RFX4: variants seen among roughly 807,000 people sequenced by gnomAD.
RFX4 encodes the protein transcription factor RFX4.
RFX4 carries 10 observed loss-of-function variants against 95.0 expected under a neutral mutation model. The observed-to-expected ratio is 0.11, with a 90% CI of 0.06 to 0.18. The LOEUF is 0.18. Among genes scored for constraint, RFX4 ranks in the 10% least tolerant of loss-of-function variants. The probability of loss-of-function intolerance (pLI) is 1.00; values close to 1 mark genes in which losing one functional copy is unlikely to be tolerated. For missense variants in RFX4, 640 were observed against 922.0 expected (o/e 0.69, Z 3.96); for synonymous variants, 321 against 340.7 (o/e 0.94, Z 0.64).
At chr12:106,644,946 G>A (rs1187848920) in intron 3 of RFX4, among the ~76,000 whole-genome samples, 1 of 151,606 alleles carries the variant, frequency 6.6e-6, no homozygotes, top group African/African-American at 2.4e-5. Context: ...GCCTGACAGT[G>A]TCGAGCTCTC....
chr12:106,652,947 G>A (rs1371039757), intron 3 of RFX4, among the ~76,000 whole-genome samples: 5 of 152,172 alleles, frequency 3.3e-5, no homozygotes, highest in Admixed American at 3.3e-4. Context: ...AAAATTGGGG[G>A]TGGGGGATGG....
intron 3 of RFX4, among the ~76,000 whole-genome samples, chr12:106,649,909 A>G (rs1279811786): frequency 2.0e-5 from 3 of 152,026 alleles, no homozygotes; most frequent in Non-Finnish European, 4.4e-5. Flanking sequence ...CCCACACCCT[A>G]AGTGTTACCT....
intron 17 of RFX4, 60 bp from the exon 18 acceptor site, chr12:106,761,137 T>C: frequency 2.0e-6 from 3 of 1,531,046 alleles, no homozygotes; most frequent in Middle Eastern, 1.7e-4. Context: ...ATGACTGATA[T>C]TGTGTATATG....
At chr12:106,733,870 C>T (rs2042659110) in intron 15 of RFX4, among the ~76,000 whole-genome samples, 1 of 152,220 alleles carries the variant, frequency 6.6e-6, no homozygotes, top group Non-Finnish European at 1.5e-5. Context: ...GATGTTTGTA[C>T]ATCAGTGTTC....
rs149650864 is a variant in RFX4 at position 106,754,838 on chromosome 12, A to G, written c.1935+4045A>G. 8.0e-3 allele frequency among the ~76,000 whole-genome samples: 1,217 copies of G among 151,826 alleles called. 3 individuals are homozygous for G. The highest frequency in any genetic ancestry group is 0.012 in the Admixed American group (186 of 15,246). ...TGACTCTTAGACGAGTGCCTCTGAC[A>G]CTCCCCTCAATATACACACACTCCA... is the stretch of plus-strand genomic sequence containing the variant. On this transcript the variant is annotated intron_variant, in intron 17 of 17. Coordinates refer to ENST00000392842, the MANE Select transcript of RFX4 (RefSeq NM_213594.3).
Position 106,687,088 on chromosome 12 carries a change from TGAG to T in RFX4, c.586_588del (p.Glu196del). On this transcript the variant is annotated inframe_deletion, in exon 6 of 18. Transcript: ENST00000392842. Reference sequence around the variant, plus strand: ...ATCTAAATCTGCCAGCCAGCCTGCCTGAGGAGAAGGTAACTACAACTGAAGTGA... The same window carrying T: ...ATCTAAATCTGCCAGCCAGCCTGCCTGAGAAGGTAACTACAACTGAAGTGA... The T allele has an allele frequency of 1.9e-6, 3 of 1,613,634 alleles. No homozygotes were observed. The highest frequency in any genetic ancestry group is 1.1e-5 in the South Asian group (1 of 91,060).
chr12:106,684,618 A>G (rs1485474373), intron 5 of RFX4: 14 of 1,224,078 alleles, frequency 1.1e-5, no homozygotes, highest in Non-Finnish European at 1.3e-5. Context: ...ATAAAGGTGA[A>G]CTTTTTAAGG....
chr12:106,610,821 G>A (rs1020141428), intron 2 of RFX4, among the ~76,000 whole-genome samples: 17 of 152,058 alleles, frequency 1.1e-4, no homozygotes, highest in South Asian at 2.1e-4. Context: ...TTCTTTTGGC[G>A]GTATATACCC....
intron 15 of RFX4, among the ~76,000 whole-genome samples, chr12:106,733,747 T>C (rs2042657253): frequency 6.6e-6 from 1 of 152,188 alleles, no homozygotes; most frequent in Non-Finnish European, 1.5e-5. Flanking sequence ...ACCGTGAGAC[T>C]GTGTGGAGGC....
At chr12:106,606,854 G>T (rs1434469222) in intron 1 of RFX4, among the ~76,000 whole-genome samples, 1 of 152,120 alleles carries the variant, frequency 6.6e-6, no homozygotes, top group African/African-American at 2.4e-5. Context: ...TCCCCTCTCC[G>T]CATAGCTTAC....
intron 1 of RFX4, among the ~76,000 whole-genome samples, chr12:106,604,686 G>A (rs1194304432): frequency 1.3e-5 from 2 of 152,172 alleles, no homozygotes; most frequent in Non-Finnish European, 2.9e-5. Flanking sequence ...AACAGTACTA[G>A]TAGAGAGTCA....
chr12:106,586,710 T>A lies in RFX4; in HGVS notation c.43+3347T>A, dbSNP rs1159787194. 6.6e-6 allele frequency among the ~76,000 whole-genome samples: 1 copy of A among 152,180 alleles called. No homozygotes were observed. Among genetic ancestry groups the A allele is most frequent in the Non-Finnish European group, 1.5e-5 (1 of 68,022 alleles). ...GCACGCTAGTTTACAGGCCCCCAGC[T>A]CAGCACAAATTCTTTCTAAAATTCT... On this transcript the variant is annotated intron_variant, in intron 1 of 17. Coordinates refer to ENST00000392842, the MANE Select transcript of RFX4 (RefSeq NM_213594.3). This position sits in a 1 kb window ranked among gnomAD's most constrained non-coding sequence, Gnocchi z 5.6.
rs909785034 is a variant in RFX4 at position 106,583,075 on chromosome 12, C to G, written c.-246C>G. 2.3e-6 allele frequency: 1 copy of G among 441,544 alleles called. No individual in the cohort carries two copies. The highest frequency in any genetic ancestry group is 3.9e-6 in the Non-Finnish European group (1 of 253,874). 27.4% of individuals were successfully genotyped at this position (441,544 alleles called of 1,614,324 possible). ...GTCCCCTTGCTCGCTCGCTTTTTCTCTCTCCCCCTTCTCCGAGCTCGCTCC... is the reference window on the plus strand; with the variant it reads ...GTCCCCTTGCTCGCTCGCTTTTTCTGTCTCCCCCTTCTCCGAGCTCGCTCC... On this transcript the variant is annotated 5_prime_UTR_variant, in exon 1 of 18. Transcript: ENST00000392842.
rs950309324 is a variant in RFX4 at position 106,693,707 on chromosome 12, C to T, written c.670-2576C>T. 2.6e-5 allele frequency among the ~76,000 whole-genome samples: 4 copies of T among 152,222 alleles called. No individual in the cohort carries two copies. In the Middle Eastern group the frequency reaches 0.01, roughly 388 times the overall value. ...TCAGGCCACGCTAATAGTCAGCCAC[C>T]GGGTGTCTCAGTGACAGAACAAAAG... On this transcript the variant is annotated intron_variant, in intron 7 of 17. Coordinates refer to ENST00000392842, the MANE Select transcript of RFX4 (RefSeq NM_213594.3).
intron 13 of RFX4, among the ~76,000 whole-genome samples, chr12:106,723,802 G>A (rs868594497): frequency 3.9e-5 from 6 of 152,280 alleles, no homozygotes; most frequent in Non-Finnish European, 5.9e-5. Flanking sequence ...CCCCCACCAA[G>A]CACTAAGAGA....
At chr12:106,721,602 A>G (rs1485163415) in intron 13 of RFX4, among the ~76,000 whole-genome samples, 1 of 152,234 alleles carries the variant, frequency 6.6e-6, no homozygotes, top group African/African-American at 2.4e-5. Context: ...AGTCCAGGTC[A>G]TCATTGGCAA....
rs58283896 is a variant in RFX4 at position 106,714,068 on chromosome 12, C to CAAAAAAAAAAAAAAAAAAAAAAAAAAAAA, written c.994-1309_994-1308insAAAAAAAAAAAAAAAAAAAAAAAAAAAAA. On this transcript the variant is annotated intron_variant, in intron 10 of 17. Transcript: ENST00000392842. ...GGGCAACAAGAGTGAAACTCCATCT[C>CAAAAAAAAAAAAAAAAAAAAAAAAAAAAA]AAAAAAAAAAAAAAAAAAAAAAAGC... Among the ~76,000 whole-genome samples, 3 of 30,524 alleles carry CAAAAAAAAAAAAAAAAAAAAAAAAAAAAA rather than the reference C, an allele frequency of 9.8e-5. 1 individual carries two copies. The highest frequency in any genetic ancestry group is 4.6e-4 in the African/African-American group (3 of 6,492). 20.0% of individuals were successfully genotyped at this position (30,524 alleles called of 152,430 possible).
chr12:106,628,595 T>C (rs564874081), intron 2 of RFX4, among the ~76,000 whole-genome samples: 1 of 152,146 alleles, frequency 6.6e-6, no homozygotes, highest in Non-Finnish European at 1.5e-5. Context: ...TACAGCCATA[T>C]GGTCCAACAA....
chr12:106,605,716 A>T (rs1055104327), intron 1 of RFX4, among the ~76,000 whole-genome samples: 1 of 152,210 alleles, frequency 6.6e-6, no homozygotes, highest in Non-Finnish European at 1.5e-5. Context: ...GGTGAAACAA[A>T]TGTGGTTCTT....
Sources: allele counts gnomAD v4.1 joint callset (sites outside exome capture counted in the v4.1 genomes callset), GRCh38; gene constraint gnomAD v4.1.1; non-coding constraint Gnocchi (gnomAD v3.1); transcripts MANE v1.5; gene names NCBI Gene and HGNC (gene_info 2026-07-23, HGNC 2026-07-21).